Variants in CFAP70 observed in about 807,000 individuals in gnomAD.
CFAP70 encodes the protein cilia and flagella associated protein 70, also known as cilia- and flagella-associated protein 70.
A neutral mutation model predicts 137.6 loss-of-function variants in CFAP70; 81 were observed. The ratio of observed to expected loss-of-function variants is 0.59; its 90% CI spans 0.49 to 0.71. The LOEUF (loss-of-function observed/expected upper bound fraction) is 0.71. Among genes scored for constraint, CFAP70 ranks in the 30% least tolerant of loss-of-function variants. The probability of loss-of-function intolerance (pLI) is 0.00; values close to 1 mark genes in which losing one functional copy is unlikely to be tolerated. For missense variants in CFAP70, 976 were observed against 1,226.7 expected, an observed-to-expected ratio of 0.80 and a Z score of 3.05; for synonymous variants, 382 against 423.6, an observed-to-expected ratio of 0.90 and a Z score of 1.20.
chr10:73,350,623 T>A (rs184133874), intron 3 of CFAP70, among the ~76,000 whole-genome samples: 7,293 of 152,124 alleles, frequency 0.048, 502 homozygotes, highest in African/African-American at 0.15. Flanking sequence ...ATATATATAT[T>A]TTTTTTCTGT....
At chr10:73,291,067 T>G (rs2048142255) in intron 19 of CFAP70, among the ~76,000 whole-genome samples, 159 bp downstream of exon 20, 1 of 152,164 alleles carries the variant, frequency 6.6e-6, no homozygotes, top group Non-Finnish European at 1.5e-5. Flanking sequence ...CAAGCTGGAG[T>G]GCAGTGGCAT....
chr10:73,324,641 A>AGGAGCTGAT (rs1351004803), intron 8 of CFAP70, among the ~76,000 whole-genome samples: 1 of 152,240 alleles, frequency 6.6e-6, no homozygotes, highest in Non-Finnish European at 1.5e-5. Flanking sequence ...AAGTGCTTAA[A>AGGAGCTGAT]GGAGCTGATG....
At chr10:73,271,810 C>T (rs990055897) in intron 24 of CFAP70, among the ~76,000 whole-genome samples, 1 of 152,082 alleles carries the variant, frequency 6.6e-6, no homozygotes, top group Admixed American at 6.5e-5. Context: ...AGCAATCCTC[C>T]CACCTTAGCC....
intron 19 of CFAP70, among the ~76,000 whole-genome samples, chr10:73,288,662 G>A (rs2047932355): frequency 6.6e-6 from 1 of 152,180 alleles, no homozygotes; most frequent in Non-Finnish European, 1.5e-5. Context: ...CACATAATCT[G>A]AGTTCCTGGC....
At position 73,277,378 on chromosome 10, in the gene CFAP70, A is replaced by G. The variant is rs573134731; in HGVS notation, c.2399-17T>C. On this transcript the variant is annotated splice_polypyrimidine_tract_variant and intron_variant, in intron 20 of 26. Coordinates refer to ENST00000310715, the Ensembl canonical transcript of CFAP70. ...TTGATGCTTCTGAAAATATTACATT[A>G]AAAGGATTGAAGATTGGATATAACA... 5 of 1,611,488 alleles carry G rather than the reference A, an allele frequency of 3.1e-6. No homozygotes were observed. The African/African-American group carries it at 6.7e-5, about 22-fold the overall frequency.
chr10:73,267,529 G>A (rs1433286869), intron 25 of CFAP70, among the ~76,000 whole-genome samples: 3 of 152,186 alleles, frequency 2.0e-5, no homozygotes, highest in Non-Finnish European at 4.4e-5. Context: ...AAGAGACTCC[G>A]TCTCTTGATG....
At chr10:73,324,470 A>C (rs1409393556) in intron 8 of CFAP70, among the ~76,000 whole-genome samples, 1 of 152,254 alleles carries the variant, frequency 6.6e-6, no homozygotes, top group Non-Finnish European at 1.5e-5. Context: ...CCAGCAATGG[A>C]ACAAAGCTGG....
At chr10:73,323,013 G>C in exon 9 of CFAP70, 1 of 1,613,524 alleles carries the variant, frequency 6.2e-7, no homozygotes, top group South Asian at 1.1e-5. Flanking sequence ...AAAGCTCCCC[G>C]AATTCTCTTC....
intron 25 of CFAP70, among the ~76,000 whole-genome samples, chr10:73,266,722 GA>G (rs1466963977): frequency 1.3e-5 from 2 of 152,056 alleles, no homozygotes; most frequent in African/African-American, 4.8e-5. Context: ...AATAGCCTAT[GA>G]TTTTAATTTA....
Position 73,324,246 on chromosome 10 carries a change from C to A in CFAP70, c.778-1149G>T, listed in dbSNP as rs187706023. 1.5e-3 allele frequency among the ~76,000 whole-genome samples: 233 copies of A among 152,318 alleles called. 1 individual carries two copies. The highest frequency in any genetic ancestry group is 0.013 in the Admixed American group (196 of 15,300). On this transcript the variant is annotated intron_variant, in intron 8 of 26. Transcript: ENST00000310715. ...AACAGGGTCTGGAGTGGACCTCTAGCAAACTTCAACAGATCTGCAGCTGAG... is the reference window on the plus strand; with the variant it reads ...AACAGGGTCTGGAGTGGACCTCTAGAAAACTTCAACAGATCTGCAGCTGAG...
Position 73,275,239 on chromosome 10 carries a change from A to C in CFAP70, c.2673+207T>G. On this transcript the variant is annotated intron_variant, in intron 22 of 26. Coordinates refer to ENST00000310715, the Ensembl canonical transcript of CFAP70. This position sits in a 1 kb window ranked among gnomAD's most constrained non-coding sequence, Gnocchi z 4.0. ...CGTGATCTGCCTGCCTCGGCCTCCC[A>C]AAGTGCTGCGATTACAGTTGTGAGC... 2.9e-6 allele frequency: 1 copy of C among 349,560 alleles called. No homozygotes were observed. The allele number at this position is 349,560 out of a possible 1,614,324, so 21.7% of individuals were successfully genotyped here. A position where few individuals can be genotyped will look rare whatever the true frequency, so the allele number is the denominator to read the frequency against.
upstream of CFAP70, among the ~76,000 whole-genome samples, chr10:73,359,024 G>A (rs1030399189): frequency 2.6e-5 from 4 of 152,048 alleles, no homozygotes; most frequent in African/African-American, 9.7e-5. Context: ...TAATAGGAGG[G>A]AAAAAAGCAA....
At chr10:73,360,804 C>T (rs2054976426), upstream of CFAP70, among the ~76,000 whole-genome samples, 2 of 152,108 alleles carry the variant, frequency 1.3e-5, no homozygotes, top group Non-Finnish European at 2.9e-5. Context: ...ACTCTTTCTA[C>T]ATAATAAGCT....
At chr10:73,321,276 G>A (rs1173002334) in intron 9 of CFAP70, among the ~76,000 whole-genome samples, 1 of 152,012 alleles carries the variant, frequency 6.6e-6, no homozygotes, top group African/African-American at 2.4e-5. Flanking sequence ...AAAATAGCCG[G>A]GCGTGGTAGC....
At chr10:73,329,166 AATG>A (rs2051802643) in intron 8 of CFAP70, among the ~76,000 whole-genome samples, 1 of 152,256 alleles carries the variant, frequency 6.6e-6, no homozygotes, top group Non-Finnish European at 1.5e-5. Flanking sequence ...AGCCATAAAA[AATG>A]ATGAGTTCAT....
chr10:73,355,122 G>A (rs983190736), intron 1 of CFAP70, among the ~76,000 whole-genome samples: 1 of 152,148 alleles, frequency 6.6e-6, no homozygotes, highest in Admixed American at 6.5e-5. Context: ...CCCTACATCA[G>A]GGGTCCCCAC....
intron 25 of CFAP70, among the ~76,000 whole-genome samples, chr10:73,257,168 T>A (rs1224749657): frequency 6.6e-6 from 1 of 152,172 alleles, no homozygotes; most frequent in Non-Finnish European, 1.5e-5. Flanking sequence ...TATTTATTAT[T>A]CCCAATTTAC....
At chr10:73,323,044 G>A in exon 9 of CFAP70, 1 of 1,613,742 alleles carries the variant, frequency 6.2e-7, no homozygotes, top group Non-Finnish European at 8.5e-7. Flanking sequence ...ACAACAATGG[G>A]ACCATATTAA....
At chr10:73,291,484 C>T in intron 18 of CFAP70, 40 bp from the exon 20 acceptor site, 1 of 1,579,272 alleles carries the variant, frequency 6.3e-7, no homozygotes, top group Non-Finnish European at 8.7e-7. Context: ...TGACTATTTT[C>T]CCACTATCAT....
Sources: gnomAD v4.1 joint callset for allele counts (sites outside exome capture counted in the v4.1 genomes callset) on GRCh38, gnomAD v4.1.1 for gene constraint, Gnocchi (gnomAD v3.1) non-coding constraint, MANE v1.5 for transcripts, NCBI Gene and HGNC (gene_info 2026-07-23, HGNC 2026-07-21) for gene names.